The following ARHGEF6 variants were observed in gnomAD, a reference collection of about 807,000 sequenced individuals.
The protein encoded by ARHGEF6 is rho guanine nucleotide exchange factor 6.
In ARHGEF6, 9 loss-of-function variants were observed where a neutral mutation model predicts 70.3. That is an observed-to-expected ratio of 0.13 (90% CI 0.08 to 0.22). ARHGEF6 has a LOEUF of 0.22. ARHGEF6 is among the 10% of genes least tolerant of loss of function. The pLI is 1.00. For missense variants in ARHGEF6, 470 were observed against 563.0 expected, an observed-to-expected ratio of 0.83 and a Z score of 1.67; for synonymous variants, 201 against 207.8, an observed-to-expected ratio of 0.97 and a Z score of 0.28.
chrX:136,742,447 A>T (rs1434278194), intron 5 of ARHGEF6, among the ~76,000 whole-genome samples: 1 of 112,500 alleles, frequency 8.9e-6, no homozygotes, highest in African/African-American at 3.2e-5. Flanking sequence ...AAAAGCAATA[A>T]GATATTTACA....
intron 19 of ARHGEF6, among the ~76,000 whole-genome samples, chrX:136,672,671 G>A: frequency 8.9e-6 from 1 of 112,208 alleles, no homozygotes; most frequent in Non-Finnish European, 1.9e-5. Context: ...GGTGGAGTGA[G>A]GTTTGGAGAT....
At chrX:136,740,566 G>A (rs185326718) in intron 5 of ARHGEF6, among the ~76,000 whole-genome samples, 167 of 111,417 alleles carry the variant, frequency 1.5e-3, no homozygotes, top group Non-Finnish European at 2.7e-3. Context: ...GTCGGAGCTT[G>A]CCACATGAAT....
At chrX:136,711,984 G>A (rs143108629) in intron 7 of ARHGEF6, among the ~76,000 whole-genome samples, 87 of 112,713 alleles carry the variant, frequency 7.7e-4, no homozygotes, top group African/African-American at 2.6e-3. Flanking sequence ...TAAACAAGTG[G>A]GAAATTTAGC....
At chrX:136,690,271 T>C (rs1370244821) in intron 10 of ARHGEF6, among the ~76,000 whole-genome samples, 2 of 111,809 alleles carry the variant, frequency 1.8e-5, no homozygotes, top group African/African-American at 6.5e-5. Flanking sequence ...ACAAAGAAGA[T>C]TTCTTAGTTG....
At chrX:136,681,069 T>C (rs1054191650) in intron 14 of ARHGEF6, among the ~76,000 whole-genome samples, 193 bp from the exon 15 acceptor site, 2 of 112,445 alleles carry the variant, frequency 1.8e-5, no homozygotes, top group African/African-American at 6.5e-5. Flanking sequence ...AAATAAATAT[T>C]CATGTCTGAT....
intron 6 of ARHGEF6, among the ~76,000 whole-genome samples, chrX:136,717,558 G>A (rs1195971902): frequency 9.0e-6 from 1 of 111,641 alleles, no homozygotes; most frequent in Non-Finnish European, 1.9e-5. Context: ...GATAAGTAAA[G>A]ATAAAATAAA....
chrX:136,760,339 AC>A (rs1240332475), intron 2 of ARHGEF6, among the ~76,000 whole-genome samples: 1 of 112,439 alleles, frequency 8.9e-6, no homozygotes, highest in African/African-American at 3.2e-5. Flanking sequence ...CACCTCTCAG[AC>A]TGATCCTTGA....
chrX:136,671,066 C>T (rs1233879587), intron 20 of ARHGEF6, among the ~76,000 whole-genome samples: 1 of 111,902 alleles, frequency 8.9e-6, no homozygotes, highest in Admixed American at 9.4e-5. Context: ...AAATGAATAT[C>T]GTTATAATAA....
intron 7 of ARHGEF6, among the ~76,000 whole-genome samples, chrX:136,710,137 C>T (rs1054347669): frequency 9.3e-6 from 1 of 107,462 alleles, no homozygotes; most frequent in Non-Finnish European, 1.9e-5. Context: ...GAAATCCCAT[C>T]GCTACTAAAA....
At chrX:136,769,875 T>C (rs907386909) in intron 2 of ARHGEF6, among the ~76,000 whole-genome samples, 1 of 112,134 alleles carries the variant, frequency 8.9e-6, no homozygotes, top group African/African-American at 3.2e-5. Context: ...GAAAGATATA[T>C]TTGGTTCACA....
chrX:136,675,584 C>T (rs2076273411), intron 18 of ARHGEF6, among the ~76,000 whole-genome samples: 1 of 110,143 alleles, frequency 9.1e-6, no homozygotes, highest in Non-Finnish European at 1.9e-5. Context: ...GGCGCGATCT[C>T]GGCTCACTGC....
chrX:136,734,511 TA>T (rs1257475161), intron 5 of ARHGEF6, among the ~76,000 whole-genome samples: 2 of 112,047 alleles, frequency 1.8e-5, no homozygotes, highest in Admixed American at 1.9e-4. Flanking sequence ...CTTATAAATT[TA>T]AAACTCTGAA....
intron 2 of ARHGEF6, chrX:136,768,660 T>A (rs1256477654): frequency 1.8e-5 from 2 of 112,440 alleles, no homozygotes; most frequent in African/African-American, 3.2e-5. Context: ...CCGTTACAAC[T>A]ACTGGTAATT....
intron 6 of ARHGEF6, among the ~76,000 whole-genome samples, chrX:136,731,207 C>G (rs760584578): frequency 1.3e-4 from 15 of 112,301 alleles, no homozygotes; most frequent in African/African-American, 4.5e-4. Context: ...CATTATAGAG[C>G]AAATTCACTG....
intron 2 of ARHGEF6, among the ~76,000 whole-genome samples, chrX:136,753,157 C>T (rs2077170302): frequency 8.9e-6 from 1 of 112,495 alleles, no homozygotes; most frequent in African/African-American, 3.2e-5. Context: ...GGCATTTCTA[C>T]TCTGCCTGGT....
intron 19 of ARHGEF6, among the ~76,000 whole-genome samples, chrX:136,674,119 G>A (rs1208779374): frequency 8.9e-6 from 1 of 112,067 alleles, no homozygotes; most frequent in Non-Finnish European, 1.9e-5. Flanking sequence ...TGCCTGCTTT[G>A]GCCTCCCAAA....
At chrX:136,749,606 T>A (rs1371484950) in intron 2 of ARHGEF6, among the ~76,000 whole-genome samples, 1 of 112,297 alleles carries the variant, frequency 8.9e-6, no homozygotes, top group East Asian at 2.8e-4. Flanking sequence ...AGTACTTGAC[T>A]GATTTTGAAA....
rs1039608956 is a variant in ARHGEF6 at position 136,667,330 on chromosome X, CT to C, written c.*698del. Reference sequence around the variant, plus strand: ...GTGGGTGACCAGAGCTTCTGCCCCCCTGAGTTACAATTTACATGACACAAAA... The same window carrying C: ...GTGGGTGACCAGAGCTTCTGCCCCCCGAGTTACAATTTACATGACACAAAA... On this transcript the variant is annotated 3_prime_UTR_variant, in exon 22 of 22. Transcript: ENST00000250617. 1 of 112,385 alleles carries C rather than the reference CT, an allele frequency of 8.9e-6. No homozygotes were observed. The highest frequency in any genetic ancestry group is 3.2e-5 in the African/African-American group (1 of 30,836). The allele number at this position is 112,385 out of a possible 1,213,427, so 9.3% of individuals were successfully genotyped here.
At chrX:136,671,685 G>T (rs1229608073) in intron 20 of ARHGEF6, among the ~76,000 whole-genome samples, 2 of 112,397 alleles carry the variant, frequency 1.8e-5, no homozygotes, top group East Asian at 5.6e-4. Flanking sequence ...AATTGGTTCT[G>T]TGGCTGGAAT....
Sources: gnomAD v4.1 joint callset for allele counts (sites outside exome capture counted in the v4.1 genomes callset) on GRCh38, gnomAD v4.1.1 for gene constraint, MANE v1.5 for transcripts, NCBI Gene and HGNC (gene_info 2026-07-23, HGNC 2026-07-21) for gene names.